Variants in AP3S1 observed in about 807,000 individuals in gnomAD.
The protein encoded by AP3S1 is AP-3 complex subunit sigma-1.
In AP3S1, 12 loss-of-function variants were observed where a neutral mutation model predicts 21.3. That is an observed-to-expected ratio of 0.56 (90% confidence interval 0.36 to 0.91). AP3S1 has a LOEUF of 0.91. AP3S1 is among the 40% of genes least tolerant of loss of function. The pLI is 0.01. For missense variants in AP3S1, 116 were observed against 225.0 expected, an observed-to-expected ratio of 0.52 and a Z score of 3.10; for synonymous variants, 48 against 78.4, an observed-to-expected ratio of 0.61 and a Z score of 2.05.
chr5:115,883,396 T>G (rs1343921006), intron 3 of AP3S1, among the ~76,000 whole-genome samples: 2 of 152,206 alleles, frequency 1.3e-5, no homozygotes, highest in Non-Finnish European at 2.9e-5. Context: ...GTGTAGTATC[T>G]GGGCTGGGTG....
At chr5:115,869,156 T>G (rs1747994657) in intron 2 of AP3S1, among the ~76,000 whole-genome samples, 2 of 152,206 alleles carry the variant, frequency 1.3e-5, no homozygotes, top group South Asian at 4.1e-4. Context: ...ATGTTTGGAA[T>G]GATTCCTAAA....
intron 1 of AP3S1, among the ~76,000 whole-genome samples, chr5:115,844,949 C>T (rs1175350709): frequency 6.6e-6 from 1 of 152,216 alleles, no homozygotes; most frequent in Non-Finnish European, 1.5e-5. Flanking sequence ...AGAAAACTCT[C>T]TAACTCTTTG....
intron 5 of AP3S1, among the ~76,000 whole-genome samples, chr5:115,908,073 C>T (rs1255074007): frequency 6.6e-6 from 1 of 152,042 alleles, no homozygotes; most frequent in Non-Finnish European, 1.5e-5. Flanking sequence ...CTTACTCTCT[C>T]GATGTGTTTG....
chr5:115,880,139 T>G (rs1749142579), intron 3 of AP3S1, among the ~76,000 whole-genome samples: 1 of 152,188 alleles, frequency 6.6e-6, no homozygotes, highest in Non-Finnish European at 1.5e-5. Context: ...TTTGTTAGTC[T>G]TTTCAAAAAA....
intron 3 of AP3S1, among the ~76,000 whole-genome samples, chr5:115,871,230 G>T (rs776351664): frequency 1.3e-5 from 2 of 152,180 alleles, no homozygotes; most frequent in African/African-American, 2.4e-5. Flanking sequence ...CAATGCCTCT[G>T]CTCACAATAC....
intron 1 of AP3S1, among the ~76,000 whole-genome samples, chr5:115,859,332 T>A (rs538500568): frequency 2.6e-5 from 4 of 152,378 alleles, no homozygotes; most frequent in Non-Finnish European, 4.4e-5. Context: ...GGCCTTTTTT[T>A]ATCATTCTTG....
chr5:115,906,486 A>T (rs1751663211), intron 5 of AP3S1, among the ~76,000 whole-genome samples: 1 of 152,194 alleles, frequency 6.6e-6, no homozygotes, highest in African/African-American at 2.4e-5. Context: ...AGAAGCAAAG[A>T]TATACTCTGA....
At chr5:115,847,621 A>G (rs577664021) in intron 1 of AP3S1, among the ~76,000 whole-genome samples, 50 of 152,380 alleles carry the variant, frequency 3.3e-4, no homozygotes, top group East Asian at 3.1e-3. Flanking sequence ...CTGTCTCAAC[A>G]AATTTAAAAA....
At chr5:115,867,335 G>C (rs1410512792) in intron 2 of AP3S1, among the ~76,000 whole-genome samples, 3 of 152,054 alleles carry the variant, frequency 2.0e-5, no homozygotes, top group Non-Finnish European at 4.4e-5. Context: ...ACTGTTACAA[G>C]ACTGAAGTCT....
chr5:115,873,945 A>G (rs1340351094), intron 3 of AP3S1, among the ~76,000 whole-genome samples: 2 of 152,088 alleles, frequency 1.3e-5, no homozygotes, highest in East Asian at 3.9e-4. Flanking sequence ...ATATAACTGG[A>G]AGCATATATT....
intron 1 of AP3S1, among the ~76,000 whole-genome samples, chr5:115,844,308 T>G (rs1761897264): frequency 6.6e-6 from 1 of 152,146 alleles, no homozygotes; most frequent in South Asian, 2.1e-4. Context: ...AACATAGCAC[T>G]ATTAAGGAGT....
At chr5:115,897,856 C>T (rs1356975800) in intron 4 of AP3S1, among the ~76,000 whole-genome samples, 1 of 152,074 alleles carries the variant, frequency 6.6e-6, no homozygotes, top group Non-Finnish European at 1.5e-5. Flanking sequence ...GCCACCACGC[C>T]CGGCCACAGC....
At chr5:115,887,944 A>C (rs1411388281) in intron 3 of AP3S1, among the ~76,000 whole-genome samples, 2 of 152,136 alleles carry the variant, frequency 1.3e-5, no homozygotes, top group Non-Finnish European at 2.9e-5. Flanking sequence ...AGGACTCTTT[A>C]TATTTGGAGG....
At chr5:115,842,506 A>C (rs1761679880) in intron 1 of AP3S1, 1 of 167,574 alleles carries the variant, frequency 6.0e-6, no homozygotes, top group African/African-American at 2.4e-5. Flanking sequence ...GGCTGCAGTT[A>C]GCCCGGGAGG....
At chr5:115,888,621 G>C (rs1207564659) in intron 3 of AP3S1, among the ~76,000 whole-genome samples, 3 of 151,834 alleles carry the variant, frequency 2.0e-5, no homozygotes, top group African/African-American at 7.3e-5. Flanking sequence ...TTTTTTTATA[G>C]TATTCACATT....
At chr5:115,912,331 T>C (rs1194049587) in intron 5 of AP3S1, among the ~76,000 whole-genome samples, 4 of 152,066 alleles carry the variant, frequency 2.6e-5, no homozygotes, top group African/African-American at 9.6e-5. Flanking sequence ...TGAACTCAGA[T>C]GTCTTTGTTG....
intron 5 of AP3S1, chr5:115,908,873 T>G (rs1369797502): frequency 5.2e-6 from 3 of 575,904 alleles, no homozygotes; most frequent in Non-Finnish European, 6.6e-6. Flanking sequence ...TCTTTTTTGC[T>G]CAAAAACATG....
At position 115,895,055 on chromosome 5, in the gene AP3S1, C is replaced by T. The variant is rs556758086; in HGVS notation, c.274-32C>T. On this transcript the variant is annotated intron_variant, in intron 3 of 5. Coordinates refer to ENST00000316788, the MANE Select transcript of AP3S1 (RefSeq NM_001284.4). ...GATAATAGTTTTGAATAAATTTAAA[C>T]AGTTCTTAAAACCTTTTTTCTTTTT... is the stretch of plus-strand genomic sequence containing the variant. 1.6e-5 allele frequency: 23 copies of T among 1,440,722 alleles called. No homozygotes were observed. The Admixed American group carries it at 4.2e-4, about 26-fold the overall frequency. The allele number at this position is 1,440,722 out of a possible 1,614,324, so 89.2% of individuals were successfully genotyped here. A position where few individuals can be genotyped will look rare whatever the true frequency, so the allele number is the denominator to read the frequency against.
intron 1 of AP3S1, among the ~76,000 whole-genome samples, chr5:115,860,438 C>G (rs1372565342): frequency 6.6e-6 from 1 of 152,164 alleles, no homozygotes; most frequent in Non-Finnish European, 1.5e-5. Flanking sequence ...GAAGACCCTC[C>G]CTTTGATCTA....
Sources: allele counts gnomAD v4.1 joint callset (sites outside exome capture counted in the v4.1 genomes callset), GRCh38; gene constraint gnomAD v4.1.1; transcripts MANE v1.5; gene names NCBI Gene and HGNC (gene_info 2026-07-23, HGNC 2026-07-21).